The following JAZF1 variants were observed in gnomAD, a reference collection of about 807,000 sequenced individuals.
JAZF1 encodes the protein JAZF zinc finger 1, also known as juxtaposed with another zinc finger protein 1.
JAZF1 carries 8 observed loss-of-function variants against 26.4 expected under a neutral mutation model. The ratio of observed to expected loss-of-function variants is 0.30; its 90% CI spans 0.18 to 0.55. The LOEUF (loss-of-function observed/expected upper bound fraction) is 0.55. Ranked by LOEUF, JAZF1 falls within the 20% of genes least tolerant of loss-of-function variation. The probability of loss-of-function intolerance (pLI) is 0.94; values close to 1 mark genes in which losing one functional copy is unlikely to be tolerated. For missense variants in JAZF1, 199 were observed against 322.0 expected (o/e 0.62, Z 2.92); for synonymous variants, 126 against 122.3 (o/e 1.03, Z -0.20).
intron 2 of JAZF1, among the ~76,000 whole-genome samples, chr7:27,905,484 TAAA>T (rs899414614): frequency 2.0e-5 from 3 of 151,284 alleles, no homozygotes; most frequent in African/African-American, 7.3e-5. Flanking sequence ...GGGGTAAGGA[TAAA>T]AAAAGATAAA....
chr7:27,996,072 C>T (rs188667705), intron 1 of JAZF1, among the ~76,000 whole-genome samples: 2 of 152,294 alleles, frequency 1.3e-5, no homozygotes, highest in African/African-American at 2.4e-5. Flanking sequence ...AGGATTGCCA[C>T]GGTTCTGAAG....
intron 2 of JAZF1, among the ~76,000 whole-genome samples, chr7:27,908,175 C>T (rs1473388326): frequency 1.3e-5 from 2 of 152,182 alleles, no homozygotes; most frequent in Admixed American, 6.5e-5. Flanking sequence ...AGCATCTATT[C>T]ATGAAATGTA....
intron 3 of JAZF1, among the ~76,000 whole-genome samples, chr7:27,867,686 T>C (rs1202899868): frequency 6.6e-6 from 1 of 152,254 alleles, no homozygotes; most frequent in African/African-American, 2.4e-5. Flanking sequence ...AGGGCAAGAA[T>C]TTCCCACTCA....
At chr7:28,137,011 A>G (rs1480285823) in intron 1 of JAZF1, among the ~76,000 whole-genome samples, 1 of 152,214 alleles carries the variant, frequency 6.6e-6, no homozygotes, top group Non-Finnish European at 1.5e-5. Flanking sequence ...GACCCTGTGC[A>G]AGTGCACTTT....
At chr7:27,870,075 A>ATTTTT (rs371770357) in intron 3 of JAZF1, among the ~76,000 whole-genome samples, 57 of 120,510 alleles carry the variant, frequency 4.7e-4, no homozygotes, top group Middle Eastern at 4.7e-3. Flanking sequence ...CACCCGGTTA[A>ATTTTT]TTTTTTTTTT....
rs75469527 is a variant in JAZF1 at position 27,847,965 on chromosome 7, C to A, written c.386-7098G>T. On this transcript the variant is annotated intron_variant, in intron 3 of 4. Coordinates refer to ENST00000283928, the MANE Select transcript of JAZF1 (RefSeq NM_175061.4). The stretch of plus-strand genomic sequence containing the variant: ...TTACAGCATGAGCCACCGTGCCCAG[C>A]CTATAATATAATTTTAAAGCAGGAA... 3.4e-3 allele frequency among the ~76,000 whole-genome samples: 517 copies of A among 152,264 alleles called. 3 individuals are homozygous for A. Among genetic ancestry groups the A allele is most frequent in the African/African-American group, 0.012 (491 of 41,542 alleles).
At chr7:28,012,970 C>T (rs1222510757) in intron 1 of JAZF1, among the ~76,000 whole-genome samples, 1 of 152,316 alleles carries the variant, frequency 6.6e-6, no homozygotes, top group East Asian at 1.9e-4. Context: ...GTGACCCTCC[C>T]ATCTGCTCCT....
Position 27,831,186 on chromosome 7 carries a change from TC to T in JAZF1, c.*1613del, listed in dbSNP as rs1212805046. On this transcript the variant is annotated 3_prime_UTR_variant, in exon 5 of 5. Transcript: ENST00000283928. Reference sequence around the variant, plus strand: ...GCAGTGTTTTTATAAATACTTTGAATCCCTCATAATGAAGGATTTTAGAACT... The same window carrying T: ...GCAGTGTTTTTATAAATACTTTGAATCCTCATAATGAAGGATTTTAGAACT... 6 of 223,032 alleles carry T rather than the reference TC, an allele frequency of 2.7e-5. No homozygotes were observed. Among genetic ancestry groups the T allele is most frequent in the African/African-American group, 4.5e-5 (2 of 44,752 alleles). The allele number at this position is 223,032 out of a possible 1,614,324, so 13.8% of individuals were successfully genotyped here.
chr7:28,136,177 G>T (rs187472727), intron 1 of JAZF1, among the ~76,000 whole-genome samples: 1 of 152,152 alleles, frequency 6.6e-6, no homozygotes, highest in Non-Finnish European at 1.5e-5. Context: ...CCTGCTGAAC[G>T]TTGGGTATTT....
intron 1 of JAZF1, among the ~76,000 whole-genome samples, chr7:28,098,815 C>T (rs992157361): frequency 1.3e-5 from 2 of 152,214 alleles, no homozygotes; most frequent in African/African-American, 4.8e-5. Flanking sequence ...AACATTTCAT[C>T]TGACCATCAG....
At chr7:28,084,782 T>C (rs1388430477) in intron 1 of JAZF1, among the ~76,000 whole-genome samples, 1 of 152,166 alleles carries the variant, frequency 6.6e-6, no homozygotes, top group Non-Finnish European at 1.5e-5. Context: ...TCAGAAAGGA[T>C]GTTTGTTGTC....
At chr7:27,940,563 A>C (rs1186518141) in intron 2 of JAZF1, among the ~76,000 whole-genome samples, 1 of 152,322 alleles carries the variant, frequency 6.6e-6, no homozygotes, top group Middle Eastern at 3.4e-3. Context: ...GATGCTGCTG[A>C]TTTGGCTGAA....
At chr7:27,931,742 TGGGAGAACTGCTTGAACCG>T (rs897492390) in intron 2 of JAZF1, among the ~76,000 whole-genome samples, 3 of 152,024 alleles carry the variant, frequency 2.0e-5, no homozygotes, top group African/African-American at 7.2e-5. Flanking sequence ...TGCTTGAACC[TGGGAGAACTGCTTGAACCG>T]GGGAGAATTG....
intron 1 of JAZF1, among the ~76,000 whole-genome samples, chr7:28,130,033 C>T (rs913242940): frequency 7.9e-5 from 12 of 151,916 alleles, no homozygotes; most frequent in African/African-American, 2.7e-4. Context: ...TTCTATGTAA[C>T]CAGCACATAA....
chr7:28,102,567 G>T (rs10245867), intron 1 of JAZF1, among the ~76,000 whole-genome samples: 57,351 of 149,886 alleles, frequency 0.38, 12,049 homozygotes, highest in East Asian at 0.97. Context: ...GTGAAAAGGG[G>T]TATATAATAT....
chr7:28,155,035 T>C, intron 1 of JAZF1, among the ~76,000 whole-genome samples: 1 of 152,140 alleles, frequency 6.6e-6, no homozygotes, highest in Non-Finnish European at 1.5e-5. Context: ...TAAAATTGGC[T>C]TGCGGTTTAC....
intron 3 of JAZF1, among the ~76,000 whole-genome samples, chr7:27,885,039 C>T (rs544571505): frequency 1.3e-5 from 2 of 152,308 alleles, no homozygotes; most frequent in South Asian, 4.1e-4. Context: ...GAGGGAGTTT[C>T]AGAGACACTA....
chr7:27,926,926 C>T (rs1784609135), intron 2 of JAZF1, among the ~76,000 whole-genome samples: 2 of 152,306 alleles, frequency 1.3e-5, no homozygotes, highest in East Asian at 1.9e-4. Flanking sequence ...AGCAGCCTGG[C>T]CCTCTTCTTT....
intron 1 of JAZF1, among the ~76,000 whole-genome samples, chr7:28,004,382 T>A (rs935993609): frequency 2.6e-5 from 4 of 151,424 alleles, no homozygotes; most frequent in Admixed American, 2.0e-4. Flanking sequence ...AACTGCCCAT[T>A]ATTATCACCT....
Sources: allele counts gnomAD v4.1 joint callset (sites outside exome capture counted in the v4.1 genomes callset), GRCh38; gene constraint gnomAD v4.1.1; transcripts MANE v1.5; gene names NCBI Gene and HGNC (gene_info 2026-07-23, HGNC 2026-07-21).